VPS13A: variants seen among roughly 807,000 people sequenced by gnomAD.
The protein encoded by VPS13A is vacuolar protein sorting 13 homolog A.
VPS13A carries 264 observed loss-of-function variants against 390.9 expected under a neutral mutation model. The observed-to-expected ratio is 0.68, with a 90% CI of 0.61 to 0.75. The LOEUF is 0.75. Ranked by LOEUF, VPS13A falls within the 30% of genes least tolerant of loss-of-function variation. The pLI is 0.00. For missense variants in VPS13A, 3,409 were observed against 3,733.9 expected (o/e 0.91, Z 2.27); for synonymous variants, 1,231 against 1,227.1 (o/e 1.00, Z -0.07).
Position 77,210,628 on chromosome 9 carries a change from G to A in VPS13A, c.508G>A (p.Asp170Asn). 1 of 1,613,804 alleles carries A rather than the reference G, an allele frequency of 6.2e-7. No homozygotes were observed. The highest frequency in any genetic ancestry group is 8.5e-7 in the Non-Finnish European group (1 of 1,179,994). ...IRYEDDITNR[D>N]KPLSFGISLQ... Reference sequence around the variant, plus strand: ...CTTTCCTCTTTAGATCACAAATCGGGACAAACCGCTGTCATTTGGTATTTC... The same window carrying A: ...CTTTCCTCTTTAGATCACAAATCGGAACAAACCGCTGTCATTTGGTATTTC... Residue 170 changes from aspartate to asparagine, a missense_variant, in exon 7 of 72, where the codon GAC becomes AAC. Around this residue, in one of 5 missense-constraint regions of VPS13A, gnomAD observed 2,717 missense variants for 2,917.4 expected, o/e 0.93. Transcript: ENST00000360280.
intron 25 of VPS13A, 54 bp from the exon 26 acceptor site, chr9:77,276,011 A>G (rs1826642987): frequency 6.3e-7 from 1 of 1,576,068 alleles, no homozygotes; most frequent in Non-Finnish European, 8.7e-7. Flanking sequence ...CACTATGCAC[A>G]TAAACATGTT....
chr9:77,337,781 T>C (rs980976692), intron 47 of VPS13A: 39 of 408,328 alleles, frequency 9.6e-5, no homozygotes, highest in African/African-American at 7.6e-4. Flanking sequence ...GCTGATTTTC[T>C]TAAAAGATTG....
At chr9:77,356,947 A>T in intron 55 of VPS13A, 80 bp downstream of exon 55, 41 of 1,518,616 alleles carry the variant, frequency 2.7e-5, no homozygotes, top group Non-Finnish European at 3.6e-5. Flanking sequence ...AATTTAAGGA[A>T]AGTTTGGCTT....
chr9:77,359,381 A>G lies in VPS13A; in HGVS notation c.8084A>G (p.His2695Arg), dbSNP rs1832006676. The G allele has an allele frequency of 6.2e-7, 1 of 1,613,266 alleles. No homozygotes were observed. The highest frequency in any genetic ancestry group is 8.5e-7 in the Non-Finnish European group (1 of 1,179,436). ...AGTATTGTCATGAGATCTGCAGGAC[A>G]TTCCCAGATATCACGTATTAAGTAA... ...DVSIVMRSAG[H>R]SQISRIKYFK... The change falls in exon 58 of 72, where the codon CAT becomes CGT. Residue 2695 changes from histidine to arginine, a missense_variant. By Grantham distance (29) the His-to-Arg change is conservative. Coordinates refer to ENST00000360280, the MANE Select transcript of VPS13A (RefSeq NM_033305.3).
chr9:77,208,722 A>G (rs1200914439), intron 5 of VPS13A, among the ~76,000 whole-genome samples: 6 of 151,922 alleles, frequency 3.9e-5, no homozygotes, highest in African/African-American at 1.5e-4. Flanking sequence ...CCTAATTTTT[A>G]TATTTTTAAT....
At chr9:77,232,494 G>A (rs1367891702) in intron 17 of VPS13A, among the ~76,000 whole-genome samples, 1 of 152,038 alleles carries the variant, frequency 6.6e-6, no homozygotes, top group Non-Finnish European at 1.5e-5. Flanking sequence ...ATATTTTGTA[G>A]AATTCACTAG....
At chr9:77,414,531 T>C (rs1165726190) in intron 71 of VPS13A, among the ~76,000 whole-genome samples, 1 of 151,614 alleles carries the variant, frequency 6.6e-6, no homozygotes, top group Non-Finnish European at 1.5e-5. Context: ...TAGGTGGGAA[T>C]TGAACAATGA....
chr9:77,383,874 G>A (rs959164367), intron 68 of VPS13A, among the ~76,000 whole-genome samples: 11 of 151,728 alleles, frequency 7.2e-5, no homozygotes, highest in Non-Finnish European at 1.5e-5. Context: ...AATATTTGTA[G>A]GGATTCACCA....
Position 77,337,426 on chromosome 9 carries a change from A to G in VPS13A, c.6267A>G (p.Thr2089=). The G allele has an allele frequency of 6.2e-7, 1 of 1,613,076 alleles. No individual in the cohort carries two copies. Among genetic ancestry groups the G allele is most frequent in the Non-Finnish European group, 8.5e-7 (1 of 1,179,228 alleles). ...INIVPEKDNL[T]SLSVYSEDGW... Reference sequence around the variant, plus strand: ...TTGTTCCAGAAAAAGATAATTTAACATCTCTATCAGTGTATTCAGAAGATG... The same window carrying G: ...TTGTTCCAGAAAAAGATAATTTAACGTCTCTATCAGTGTATTCAGAAGATG... Residue 2089 remains threonine, a synonymous_variant, in exon 47 of 72, where the codon ACA becomes ACG. Coordinates refer to ENST00000360280, the MANE Select transcript of VPS13A (RefSeq NM_033305.3).
chr9:77,343,895 GTC>G (rs1160311893), intron 50 of VPS13A, among the ~76,000 whole-genome samples: 1 of 152,084 alleles, frequency 6.6e-6, no homozygotes, highest in Admixed American at 6.5e-5. Context: ...CCACATTAAA[GTC>G]TCTTTTCTCG....
Position 77,281,855 on chromosome 9 carries a change from C to T in VPS13A, c.2905-12C>T, listed in dbSNP as rs1827045106. 8 of 1,588,504 alleles carry T rather than the reference C, an allele frequency of 5.0e-6. No homozygotes were observed. The highest frequency in any genetic ancestry group is 4.0e-5 in the African/African-American group (3 of 74,182). On this transcript the variant is annotated splice_polypyrimidine_tract_variant and intron_variant, in intron 27 of 71. Transcript: ENST00000360280. ...TAACGTGTTCTAACAGATTTGTTTT[C>T]TCTTTGGATAGGCTGAAAAGAATGT...
At chr9:77,319,263 A>T (rs1484332795) in intron 41 of VPS13A, among the ~76,000 whole-genome samples, 6 of 151,772 alleles carry the variant, frequency 4.0e-5, no homozygotes, top group Non-Finnish European at 8.8e-5. Context: ...ATATAGACAG[A>T]ATTTCTGAAT....
At chr9:77,404,262 A>G (rs1009465552) in intron 69 of VPS13A, among the ~76,000 whole-genome samples, 5 of 152,180 alleles carry the variant, frequency 3.3e-5, no homozygotes, top group African/African-American at 4.8e-5. Flanking sequence ...CTCTACAGGT[A>G]GACATACACA....
Position 77,365,476 on chromosome 9 carries a change from A to G in VPS13A, c.8228A>G (p.Lys2743Arg). ...CTTTTATAGGTTGAGCTTTTTCATA[A>G]AGATATAGAAGCTTTCAAAGAAGAA... Reference protein sequence around the residue: ...TENTEVELFHKDIEAFKEEYK... With the variant: ...TENTEVELFHRDIEAFKEEYK... Residue 2743 changes from lysine (K) to arginine (R), a missense_variant, in exon 60 of 72, where the codon AAA becomes AGA. By Grantham distance (26) the Lys-to-Arg change is conservative. Coordinates refer to ENST00000360280, the MANE Select transcript of VPS13A (RefSeq NM_033305.3). 6.2e-7 allele frequency: 1 copy of G among 1,608,774 alleles called. No individual in the cohort carries two copies. Among genetic ancestry groups the G allele is most frequent in the Non-Finnish European group, 8.5e-7 (1 of 1,175,722 alleles).
chr9:77,376,423 G>A (rs962791817), intron 67 of VPS13A, among the ~76,000 whole-genome samples: 4 of 152,168 alleles, frequency 2.6e-5, no homozygotes, highest in Non-Finnish European at 5.9e-5. Context: ...ACACTTAAAA[G>A]GCTTTTGCAG....
chr9:77,181,346 G>A (rs568714131), intron 1 of VPS13A, among the ~76,000 whole-genome samples: 6 of 151,240 alleles, frequency 4.0e-5, no homozygotes, highest in Admixed American at 6.6e-5. Flanking sequence ...TCATCTCTAC[G>A]AAAAAAATAA....
rs144028543 is a variant in VPS13A, at chr9:77,308,095, G to A, written c.4111G>A (p.Gly1371Arg). 3 of 1,613,660 alleles carry A rather than the reference G, an allele frequency of 1.9e-6. No individual in the cohort carries two copies. Among genetic ancestry groups the A allele is most frequent in the Admixed American group, 1.7e-5 (1 of 59,984 alleles). ...GVTTNASHHSGGATVVTAAVV... is the reference protein window; with the variant it reads ...GVTTNASHHSRGATVVTAAVV... ...TACTACTAATGCTTCACACCATTCA[G>A]GAGGTATGTTTTTAACTTCAAATTT... is the stretch of plus-strand genomic sequence containing the variant. Residue 1371 changes from glycine to arginine, a missense_variant, in exon 35 of 72, where the codon GGA (glycine) becomes AGA (arginine). By Grantham distance (125) the Gly-to-Arg change is moderately radical (BLOSUM62 -2). This residue lies in a region of VPS13A where 2,717 missense variants were observed against 2,917.4 expected (regional missense o/e 0.93). Transcript: ENST00000360280.
At chr9:77,240,902 G>C (rs1824449735) in intron 19 of VPS13A, among the ~76,000 whole-genome samples, 1 of 152,082 alleles carries the variant, frequency 6.6e-6, no homozygotes, top group Non-Finnish European at 1.5e-5. Flanking sequence ...AGGTGTCAGT[G>C]TGTCTGCTGT....
chr9:77,402,975 A>G (rs374624806), intron 68 of VPS13A, among the ~76,000 whole-genome samples: 1 of 152,228 alleles, frequency 6.6e-6, no homozygotes. Flanking sequence ...GATTGAATTT[A>G]AACTTTGTAA....
Sources: gnomAD v4.1 joint callset for allele counts (sites outside exome capture counted in the v4.1 genomes callset) on GRCh38, gnomAD v4.1.1 for gene constraint, gnomAD v4.1.1 regional missense constraint, MANE v1.5 for transcripts, NCBI Gene and HGNC (gene_info 2026-07-23, HGNC 2026-07-21) for gene names.